The following ATRNL1 variants were observed in gnomAD, a reference collection of about 807,000 sequenced individuals.
ATRNL1 encodes attractin-like protein 1.
A neutral mutation model predicts 182.7 loss-of-function variants in ATRNL1; 95 were observed. That is an observed-to-expected ratio of 0.52 (90% CI 0.44 to 0.62). The LOEUF (loss-of-function observed/expected upper bound fraction) is 0.62. Among genes scored for constraint, ATRNL1 ranks in the 20% least tolerant of loss-of-function variants. The pLI, the probability that ATRNL1 is intolerant of heterozygous loss-of-function variation, is 0.00. For missense variants in ATRNL1, 1,471 were observed against 1,679.5 expected (o/e 0.88, Z 2.17); for synonymous variants, 576 against 568.3 (o/e 1.01, Z -0.19).
intron 26 of ATRNL1, among the ~76,000 whole-genome samples, chr10:115,658,045 A>T: frequency 6.8e-6 from 1 of 147,396 alleles, no homozygotes; most frequent in Non-Finnish European, 1.5e-5. Context: ...AATATTACTC[A>T]TCATATTGTA....
chr10:115,165,654 C>T lies in ATRNL1; in HGVS notation c.1092+9C>T. ...CTCTTGCTTTATATCAGGTATGGCT[C>T]CTGCTTTTTAAATTTTAATCAGATT... On this transcript the variant is annotated intron_variant, in intron 7 of 28. Transcript: ENST00000355044. The T allele has an allele frequency of 6.9e-7, 1 of 1,457,214 alleles. No homozygotes were observed. Among genetic ancestry groups the T allele is most frequent in the South Asian group, 1.5e-5 (1 of 65,870 alleles). 90.3% of individuals were successfully genotyped at this position (1,457,214 alleles called of 1,614,324 possible).
chr10:115,891,710 A>G (rs1952083140), intron 28 of ATRNL1, among the ~76,000 whole-genome samples: 1 of 152,088 alleles, frequency 6.6e-6, no homozygotes, highest in African/African-American at 2.4e-5. Context: ...ATGGACAGGT[A>G]CTTCAAATAT....
chr10:115,689,898 G>A (rs1281930892), intron 26 of ATRNL1, among the ~76,000 whole-genome samples: 2 of 152,154 alleles, frequency 1.3e-5, no homozygotes, highest in Non-Finnish European at 2.9e-5. Flanking sequence ...CACACAGGTA[G>A]CCTCTGTTCA....
intron 19 of ATRNL1, among the ~76,000 whole-genome samples, chr10:115,378,165 T>C (rs1231193549): frequency 6.6e-6 from 1 of 152,194 alleles, no homozygotes; most frequent in African/African-American, 2.4e-5. Flanking sequence ...GTGTGTTTAC[T>C]AGCACGTTCT....
intron 25 of ATRNL1, among the ~76,000 whole-genome samples, chr10:115,524,065 G>A (rs1851087673): frequency 6.8e-6 from 1 of 146,594 alleles, no homozygotes; most frequent in Non-Finnish European, 1.5e-5. Context: ...TATGTGTAGA[G>A]ATCGAGATCA....
chr10:115,349,292 A>G (rs1367172140), intron 19 of ATRNL1, among the ~76,000 whole-genome samples: 1 of 152,186 alleles, frequency 6.6e-6, no homozygotes, highest in Non-Finnish European at 1.5e-5. Context: ...ACAGGATTTC[A>G]TTCTTTTTAA....
chr10:115,146,549 A>G (rs950577201), intron 5 of ATRNL1, among the ~76,000 whole-genome samples: 4 of 152,052 alleles, frequency 2.6e-5, no homozygotes, highest in African/African-American at 7.2e-5. Context: ...CTACACTGCC[A>G]TTGAATATTA....
chr10:115,292,947 A>G (rs1159970697), intron 15 of ATRNL1, among the ~76,000 whole-genome samples: 2 of 152,122 alleles, frequency 1.3e-5, no homozygotes, highest in Non-Finnish European at 1.5e-5. Flanking sequence ...TGCTGAGAGC[A>G]TGGTGTTGAA....
intron 26 of ATRNL1, among the ~76,000 whole-genome samples, chr10:115,550,131 T>G (rs933223400): frequency 1.3e-5 from 2 of 151,868 alleles, no homozygotes; most frequent in Admixed American, 1.3e-4. Flanking sequence ...ATATAAATTG[T>G]GTATATTCGT....
At chr10:115,842,409 G>T (rs1256765716) in intron 27 of ATRNL1, among the ~76,000 whole-genome samples, 1 of 152,034 alleles carries the variant, frequency 6.6e-6, no homozygotes, top group Non-Finnish European at 1.5e-5. Context: ...ACCATACTTA[G>T]ACAAACTATT....
At chr10:115,154,494 A>G (rs1554881579) in intron 5 of ATRNL1, among the ~76,000 whole-genome samples, 1 of 152,098 alleles carries the variant, frequency 6.6e-6, no homozygotes, top group African/African-American at 2.4e-5. Context: ...TCGAAGAAGA[A>G]AGGTAGCTTC....
chr10:115,713,461 G>GTGTGTGTCTGTGTGTGTA (rs71010041), intron 26 of ATRNL1, among the ~76,000 whole-genome samples: 1 of 145,940 alleles, frequency 6.9e-6, no homozygotes, highest in East Asian at 2.0e-4. Flanking sequence ...GTGTGTGTGT[G>GTGTGTGTCTGTGTGTGTA]TGTGTTTGTG....
intron 20 of ATRNL1, among the ~76,000 whole-genome samples, chr10:115,421,228 C>T (rs955285136): frequency 3.3e-5 from 5 of 151,988 alleles, no homozygotes; most frequent in Admixed American, 6.6e-5. Flanking sequence ...CAAAACCAGA[C>T]AAAGATAAAA....
intron 24 of ATRNL1, among the ~76,000 whole-genome samples, chr10:115,491,970 C>A (rs1337935754): frequency 1.3e-5 from 2 of 152,150 alleles, no homozygotes; most frequent in African/African-American, 4.8e-5. Context: ...TCCTGTCTCT[C>A]ATGGCTTCCC....
At chr10:115,562,280 G>A (rs1043206744) in intron 26 of ATRNL1, among the ~76,000 whole-genome samples, 5 of 152,120 alleles carry the variant, frequency 3.3e-5, no homozygotes, top group African/African-American at 4.8e-5. Context: ...GTAAATTCAC[G>A]GTTGCCTTGT....
intron 1 of ATRNL1, among the ~76,000 whole-genome samples, chr10:115,098,885 G>T (rs2085088464): frequency 6.6e-6 from 1 of 152,018 alleles, no homozygotes; most frequent in Non-Finnish European, 1.5e-5. Flanking sequence ...TTATAATTTT[G>T]ATAGTTATTT....
intron 26 of ATRNL1, among the ~76,000 whole-genome samples, chr10:115,550,719 G>T (rs1480050668): frequency 6.6e-6 from 1 of 151,772 alleles, no homozygotes; most frequent in African/African-American, 2.4e-5. Context: ...ATTCTCTGCA[G>T]AGGTAAACAA....
At chr10:115,597,331 G>A (rs980311487) in intron 26 of ATRNL1, among the ~76,000 whole-genome samples, 2 of 152,020 alleles carry the variant, frequency 1.3e-5, no homozygotes, top group Admixed American at 6.6e-5. Context: ...ATTGTTTTAT[G>A]AAAGGTTGAG....
intron 27 of ATRNL1, among the ~76,000 whole-genome samples, chr10:115,777,798 G>C (rs1405575016): frequency 1.3e-5 from 2 of 152,080 alleles, no homozygotes; most frequent in Non-Finnish European, 2.9e-5. Context: ...GGGAAAAAAG[G>C]AACAATGCGT....
Sources: allele counts gnomAD v4.1 joint callset (sites outside exome capture counted in the v4.1 genomes callset), GRCh38; gene constraint gnomAD v4.1.1; transcripts MANE v1.5; gene names NCBI Gene and HGNC (gene_info 2026-07-23, HGNC 2026-07-21).